BAZ1A: variants seen among roughly 807,000 people sequenced by gnomAD.
BAZ1A encodes bromodomain adjacent to zinc finger domain protein 1A.
BAZ1A carries 50 observed loss-of-function variants against 185.2 expected under a neutral mutation model. The observed-to-expected ratio is 0.27, with a 90% confidence interval of 0.22 to 0.34. The LOEUF is 0.34. BAZ1A is among the 10% of genes least tolerant of loss of function. The probability of loss-of-function intolerance (pLI) is 1.00; values close to 1 mark genes in which losing one functional copy is unlikely to be tolerated. For synonymous variants in BAZ1A, 571 were observed against 615.6 expected (o/e 0.93, Z 1.07); for missense variants, 1,356 against 1,839.9 (o/e 0.74, Z 4.81).
Position 34,862,333 on chromosome 14 carries a change from A to G in BAZ1A, c.114-11T>C. Reference sequence around the variant, plus strand: ...CGTTCAAAAAAGTCACTGATTAAAAAACAAAAACAAAAACAAAAGCCCATT... The same window carrying G: ...CGTTCAAAAAAGTCACTGATTAAAAGACAAAAACAAAAACAAAAGCCCATT... On this transcript the variant is annotated splice_polypyrimidine_tract_variant and intron_variant, in intron 2 of 26. Transcript: ENST00000360310. The G allele has an allele frequency of 6.3e-7, 1 of 1,580,926 alleles. No individual in the cohort carries two copies.
At chr14:34,863,849 A>ATTT (rs3062595) in intron 2 of BAZ1A, among the ~76,000 whole-genome samples, 127,479 of 151,396 alleles carry the variant, frequency 0.84, 54,571 homozygotes, top group Non-Finnish European at 0.93. Flanking sequence ...TATTGTTTGA[A>ATTT]TTTTTTTTCT....
At chr14:34,812,066 C>T (rs1166567512) in intron 4 of BAZ1A, among the ~76,000 whole-genome samples, 2 of 151,982 alleles carry the variant, frequency 1.3e-5, no homozygotes, top group Non-Finnish European at 2.9e-5. Flanking sequence ...GAAACAGTGA[C>T]GAGATACAGG....
chr14:34,800,531 C>A (rs1330188040), intron 8 of BAZ1A, 141 bp from the exon 9 acceptor site: 3 of 647,158 alleles, frequency 4.6e-6, no homozygotes, highest in Non-Finnish European at 7.3e-6. Context: ...TACAGGGAGC[C>A]AGCAGATTAT....
At chr14:34,778,080 C>T (rs1349210008) in intron 17 of BAZ1A, among the ~76,000 whole-genome samples, 1 of 152,208 alleles carries the variant, frequency 6.6e-6, no homozygotes, top group Non-Finnish European at 1.5e-5. Flanking sequence ...AACAGAACCA[C>T]TAGTTTTTAG....
At chr14:34,799,589 T>C (rs1487035852) in intron 9 of BAZ1A, among the ~76,000 whole-genome samples, 1 of 152,062 alleles carries the variant, frequency 6.6e-6, no homozygotes. Context: ...TTACACCTTA[T>C]TTTTCAAGTA....
intron 17 of BAZ1A, among the ~76,000 whole-genome samples, chr14:34,778,362 G>A (rs1477845211): frequency 6.6e-6 from 1 of 152,232 alleles, no homozygotes; most frequent in East Asian, 1.9e-4. Context: ...GACTTTGACA[G>A]TATGTTGGAA....
chr14:34,770,684 G>A (rs2138572547), intron 21 of BAZ1A, among the ~76,000 whole-genome samples: 1 of 152,182 alleles, frequency 6.6e-6, no homozygotes, highest in Non-Finnish European at 1.5e-5. Context: ...AAAACATAAT[G>A]GTTAGGAGGT....
rs949321967 is a variant in BAZ1A, at chr14:34,753,228, G to C, written c.*280C>G. The C allele has an allele frequency of 2.3e-5, 7 of 301,648 alleles. No homozygotes were observed. Among genetic ancestry groups the C allele is most frequent in the Non-Finnish European group, 3.7e-5 (6 of 164,022 alleles). The allele number at this position is 301,648 out of a possible 1,614,324, so 18.7% of individuals were successfully genotyped here. On this transcript the variant is annotated 3_prime_UTR_variant, in exon 27 of 27. Coordinates refer to ENST00000360310, the MANE Select transcript of BAZ1A (RefSeq NM_013448.3). ...TCGTGGGTGAAAAAATATTTTCCAA[G>C]ATCTCTGGACACATGAATGATCTCA... is the stretch of plus-strand genomic sequence containing the variant.
intron 25 of BAZ1A, among the ~76,000 whole-genome samples, chr14:34,755,439 A>G (rs1886198912): frequency 6.6e-6 from 1 of 151,788 alleles, no homozygotes; most frequent in Admixed American, 6.6e-5. Flanking sequence ...TTCTAACCCA[A>G]CCTCATTCAA....
rs111440888 is a variant in BAZ1A, at chr14:34,863,199, T to G, written c.114-877A>C. 1.2e-3 allele frequency among the ~76,000 whole-genome samples: 162 copies of G among 134,770 alleles called. 1 individual carries two copies. The highest frequency in any genetic ancestry group is 4.3e-3 in the African/African-American group (154 of 35,718). The allele number at this position is 134,770 out of a possible 152,430, so 88.4% of individuals were successfully genotyped here. A position where few individuals can be genotyped will look rare whatever the true frequency, so the allele number is the denominator to read the frequency against. On this transcript the variant is annotated intron_variant, in intron 2 of 26. Coordinates refer to ENST00000360310, the MANE Select transcript of BAZ1A (RefSeq NM_013448.3). ...TTTTTTTTGAGATGGAGTTTCACTC[T>G]TGTCGCCCAGACTGGAGTGCAATGG...
chr14:34,800,417 T>C, intron 8 of BAZ1A, 27 bp from the exon 9 acceptor site: 1 of 1,481,724 alleles, frequency 6.7e-7, no homozygotes, highest in Non-Finnish European at 9.0e-7. Flanking sequence ...AACTTAGAAC[T>C]ATATATATAG....
chr14:34,864,136 A>G (rs1028630528), intron 2 of BAZ1A, among the ~76,000 whole-genome samples: 2 of 150,444 alleles, frequency 1.3e-5, no homozygotes, highest in East Asian at 2.0e-4. Context: ...TTGAATTTTT[A>G]TTTTTTTTTA....
intron 3 of BAZ1A, among the ~76,000 whole-genome samples, chr14:34,833,514 C>T (rs181358709): frequency 8.0e-4 from 122 of 152,068 alleles, no homozygotes; most frequent in African/African-American, 2.7e-3. Context: ...TGCGACAGAG[C>T]GAGACTCCAT....
At position 34,810,935 on chromosome 14, in the gene BAZ1A, C is replaced by T; in HGVS notation, c.638G>A (p.Ser213Asn). The T allele has an allele frequency of 6.3e-7, 1 of 1,591,632 alleles. No individual in the cohort carries two copies. The highest frequency in any genetic ancestry group is 8.6e-7 in the Non-Finnish European group (1 of 1,163,140). ...ESAIVKATQI[S>N]RRKHLFSRDK... ...CTATTGAGAAGATAGTGAGTTTTAC[C>T]TGATTTGTGTTGCTTTAACAATAGC... Residue 213 changes from serine (S) to asparagine (N), a missense_variant and splice_region_variant, in exon 5 of 27, where the codon AGC becomes AAC. Transcript: ENST00000360310.
At chr14:34,829,535 CCT>C (rs2042211094) in intron 3 of BAZ1A, among the ~76,000 whole-genome samples, 1 of 152,098 alleles carries the variant, frequency 6.6e-6, no homozygotes. Context: ...AGTGAAGTCT[CCT>C]CTCCTTCCAT....
intron 6 of BAZ1A, among the ~76,000 whole-genome samples, chr14:34,803,797 T>C (rs1309573155): frequency 6.6e-6 from 1 of 152,172 alleles, no homozygotes; most frequent in African/African-American, 2.4e-5. Flanking sequence ...ACTTAATATA[T>C]CAAATTTCCC....
At chr14:34,829,266 T>G (rs1158843747) in intron 3 of BAZ1A, among the ~76,000 whole-genome samples, 1 of 65,938 alleles carries the variant, frequency 1.5e-5, no homozygotes, top group Non-Finnish European at 2.8e-5. Context: ...ACTCTGTCTC[T>G]GAAAAAAAAA....
At chr14:34,835,461 C>G (rs1433661233) in intron 3 of BAZ1A, among the ~76,000 whole-genome samples, 3 of 151,842 alleles carry the variant, frequency 2.0e-5, no homozygotes, top group Admixed American at 6.6e-5. Flanking sequence ...TAATTTTCCA[C>G]TCTATTATTA....
At chr14:34,841,197 A>ACTCAC (rs2042409217) in intron 3 of BAZ1A, among the ~76,000 whole-genome samples, 1 of 152,052 alleles carries the variant, frequency 6.6e-6, no homozygotes, top group South Asian at 2.1e-4. Flanking sequence ...TTGTTAACTG[A>ACTCAC]CTCACTAACT....
Sources: allele counts gnomAD v4.1 joint callset (sites outside exome capture counted in the v4.1 genomes callset), GRCh38; gene constraint gnomAD v4.1.1; transcripts MANE v1.5; gene names NCBI Gene and HGNC (gene_info 2026-07-23, HGNC 2026-07-21).